DNAJC13: variants seen among roughly 807,000 people sequenced by gnomAD.
DNAJC13 encodes the protein DnaJ heat shock protein family (Hsp40) member C13.
DNAJC13 carries 75 observed loss-of-function variants against 290.5 expected under a neutral mutation model. The observed-to-expected ratio is 0.26, with a 90% CI of 0.21 to 0.31. The LOEUF (loss-of-function observed/expected upper bound fraction) is 0.31, where lower values mean the gene tolerates loss of function less well. DNAJC13 is among the 10% of genes least tolerant of loss of function. The pLI is 1.00. For synonymous variants in DNAJC13, 862 were observed against 892.0 expected (o/e 0.97, Z 0.60); for missense variants, 2,260 against 2,674.5 (o/e 0.85, Z 3.42).
chr3:132,510,746 CTT>C (rs33938066), intron 43 of DNAJC13, among the ~76,000 whole-genome samples: 18,891 of 151,986 alleles, frequency 0.12, 1,673 homozygotes, highest in East Asian at 0.53. Flanking sequence ...TTTTATATAA[CTT>C]AATTATAAAA....
Position 132,450,860 on chromosome 3 carries a change from TTA to T in DNAJC13, c.537+14_537+15del. 4 of 1,431,334 alleles carry T rather than the reference TTA, an allele frequency of 2.8e-6. No individual in the cohort carries two copies. The highest frequency in any genetic ancestry group is 1.3e-5 in the South Asian group (1 of 75,904). 88.7% of individuals were successfully genotyped at this position (1,431,334 alleles called of 1,614,324 possible). A position where few individuals can be genotyped will look rare whatever the true frequency, so the allele number is the denominator to read the frequency against. On this transcript the variant is annotated intron_variant, in intron 6 of 55. Transcript: ENST00000260818. The stretch of plus-strand genomic sequence containing the variant: ...ATTTAGTAGATTGGTAAGTACTATT[TTA>T]AAAAAAAAAAACACTTTAAAAGGGT...
At position 132,457,320 on chromosome 3, in the gene DNAJC13, C is replaced by T. The variant is rs780280570; in HGVS notation, c.1401C>T (p.Asn467=). 1 of 1,613,526 alleles carries T rather than the reference C, an allele frequency of 6.2e-7. No homozygotes were observed. Among genetic ancestry groups the T allele is most frequent in the Non-Finnish European group, 8.5e-7 (1 of 1,179,664 alleles). Residue 467 remains asparagine, a synonymous_variant, in exon 13 of 56, where the codon AAC becomes AAT. Transcript: ENST00000260818. ...TAGTAAAAGCACTCAAAAGAAGCAACAACGGAATAATCCATGCAGCAGTTG... is the reference window on the plus strand; with the variant it reads ...TAGTAAAAGCACTCAAAAGAAGCAATAACGGAATAATCCATGCAGCAGTTG... The part of the protein sequence containing the change: ...VKVVKALKRS[N]NGIIHAAVDM...
At chr3:132,461,845 C>A (rs1292815403) in intron 15 of DNAJC13, among the ~76,000 whole-genome samples, 1 of 152,032 alleles carries the variant, frequency 6.6e-6, no homozygotes, top group Non-Finnish European at 1.5e-5. Context: ...CACATGCTAC[C>A]AAACCCGGCT....
intron 2 of DNAJC13, among the ~76,000 whole-genome samples, chr3:132,438,050 C>CAAA (rs35454328): frequency 9.2e-6 from 1 of 109,120 alleles, no homozygotes; most frequent in African/African-American, 3.2e-5. Flanking sequence ...GACCGTGTCT[C>CAAA]AAAAAAAAAA....
At chr3:132,420,130 C>G (rs1489161045) in intron 1 of DNAJC13, among the ~76,000 whole-genome samples, 1 of 152,202 alleles carries the variant, frequency 6.6e-6, no homozygotes, top group African/African-American at 2.4e-5. Context: ...TCAGACACAA[C>G]TGGACAAAAA....
At chr3:132,512,970 A>G in intron 44 of DNAJC13, 38 bp from the exon 45 acceptor site, 2 of 1,536,744 alleles carry the variant, frequency 1.3e-6, no homozygotes, top group Non-Finnish European at 1.8e-6. Context: ...AATTTCAAAC[A>G]TCTCCTGGAA....
At chr3:132,512,530 T>G (rs1293205623) in intron 44 of DNAJC13, among the ~76,000 whole-genome samples, 1 of 152,164 alleles carries the variant, frequency 6.6e-6, no homozygotes, top group Non-Finnish European at 1.5e-5. Flanking sequence ...ACCATTTCAT[T>G]TTATGTATTT....
intron 8 of DNAJC13, among the ~76,000 whole-genome samples, 182 bp from the exon 9 acceptor site, chr3:132,453,884 A>T (rs2107666927): frequency 6.6e-6 from 1 of 152,334 alleles, no homozygotes; most frequent in African/African-American, 2.4e-5. Context: ...TTCCAAGTAT[A>T]TAAAGAATGG....
chr3:132,499,626 A>C (rs921173853), intron 37 of DNAJC13, 108 bp from the exon 38 acceptor site: 2 of 955,312 alleles, frequency 2.1e-6, no homozygotes, highest in African/African-American at 3.3e-5. Flanking sequence ...ACATTTATGT[A>C]TCAAATATTT....
intron 1 of DNAJC13, among the ~76,000 whole-genome samples, chr3:132,421,750 T>C (rs1938965157): frequency 6.6e-6 from 1 of 151,830 alleles, no homozygotes; most frequent in African/African-American, 2.4e-5. Context: ...CATTTTGATT[T>C]TTGACAGAAA....
At chr3:132,433,014 TA>T in intron 1 of DNAJC13, among the ~76,000 whole-genome samples, 1 of 152,210 alleles carries the variant, frequency 6.6e-6, no homozygotes, top group Non-Finnish European at 1.5e-5. Flanking sequence ...CATATAGCCT[TA>T]AAAATAATTT....
intron 43 of DNAJC13, among the ~76,000 whole-genome samples, chr3:132,509,863 A>G (rs1179425339): frequency 5.0e-4 from 76 of 152,308 alleles, no homozygotes; most frequent in African/African-American, 1.7e-3. Flanking sequence ...GTATAATGTA[A>G]AAATAACTTT....
rs11916613 is a variant in DNAJC13 at position 132,475,238 on chromosome 3, G to T, written c.2445+153G>T. On this transcript the variant is annotated intron_variant, in intron 22 of 55. Transcript: ENST00000260818. The stretch of plus-strand genomic sequence containing the variant: ...AGGAAATACTGGAAAACTTTAATCT[G>T]TGTGTCAGACAAAAATAAAAAAATT... 0.093 allele frequency among the ~76,000 whole-genome samples: 14,091 copies of T among 152,042 alleles called. 816 individuals are homozygous for T. Among genetic ancestry groups the T allele is most frequent in the South Asian group, 0.14 (679 of 4,814 alleles).
intron 37 of DNAJC13, 29 bp from the exon 38 acceptor site, chr3:132,499,705 G>A: frequency 1.9e-5 from 30 of 1,605,814 alleles, no homozygotes; most frequent in Non-Finnish European, 2.6e-5. Context: ...TCAAAATGGA[G>A]AGTTAATAGC....
chr3:132,522,932 T>C lies in DNAJC13; in HGVS notation c.5778T>C (p.Pro1926=). ...VHIFEGTHEN[P]ELIWNDNSRD... ...TTTTTGAAGGAACTCATGAAAATCC[T>C]GAGTTAATTTGGAATGATAATTCCA... The change falls in exon 49 of 56, where the codon CCT becomes CCC. Residue 1926 remains proline (P), a synonymous_variant. Transcript: ENST00000260818. The C allele has an allele frequency of 6.2e-7, 1 of 1,613,736 alleles. No individual in the cohort carries two copies.
At position 132,458,474 on chromosome 3, in the gene DNAJC13, A is replaced by G. The variant is rs1451056986; in HGVS notation, c.1449+1106A>G. 5.3e-5 allele frequency: 8 copies of G among 152,164 alleles called. No individual in the cohort carries two copies. The East Asian group carries it at 1.5e-3, about 29-fold the overall frequency. 9.4% of individuals were successfully genotyped at this position (152,164 alleles called of 1,614,324 possible). ...CTATTACCCAGGAAATTCTAATGGT[A>G]GAGAGCTTTGTGTCAGGCTCCCCTA... On this transcript the variant is annotated intron_variant, in intron 13 of 55. Coordinates refer to ENST00000260818, the MANE Select transcript of DNAJC13 (RefSeq NM_015268.4).
intron 13 of DNAJC13, chr3:132,457,960 T>C (rs1933667116): frequency 6.6e-6 from 1 of 152,200 alleles, no homozygotes; most frequent in Non-Finnish European, 1.5e-5. Flanking sequence ...ATTTTTATCT[T>C]TTTGTAAGGA....
At chr3:132,511,310 C>A in intron 44 of DNAJC13, 66 bp downstream of exon 44, 1 of 1,543,230 alleles carries the variant, frequency 6.5e-7, no homozygotes, top group Non-Finnish European at 8.8e-7. Flanking sequence ...TTCCAATAAT[C>A]AATTTTATCA....
intron 13 of DNAJC13, chr3:132,458,325 T>C (rs1933681799): frequency 6.6e-6 from 1 of 152,206 alleles, no homozygotes; most frequent in African/African-American, 2.4e-5. Flanking sequence ...CATAAGTAAA[T>C]ACTTCTGTAA....
Sources: gnomAD v4.1 joint callset for allele counts (sites outside exome capture counted in the v4.1 genomes callset) on GRCh38, gnomAD v4.1.1 for gene constraint, MANE v1.5 for transcripts, NCBI Gene and HGNC (gene_info 2026-07-23, HGNC 2026-07-21) for gene names.